FER: variants seen among roughly 807,000 people sequenced by gnomAD.
The protein encoded by FER is tyrosine-protein kinase Fer.
FER carries 63 observed loss-of-function variants against 111.0 expected under a neutral mutation model. The observed-to-expected ratio is 0.57, with a 90% CI of 0.46 to 0.70. The LOEUF is 0.70. FER is among the 30% of genes least tolerant of loss of function. FER has a pLI of 0.00. For synonymous variants in FER, 327 were observed against 313.9 expected (o/e 1.04, Z -0.44); for missense variants, 914 against 954.0 (o/e 0.96, Z 0.55).
intron 10 of FER, among the ~76,000 whole-genome samples, chr5:108,944,465 C>T (rs751523637): frequency 6.6e-6 from 1 of 152,044 alleles, no homozygotes; most frequent in Non-Finnish European, 1.5e-5. Context: ...AGAGTATCAC[C>T]ACCAGCCCTG....
chr5:108,999,586 C>T (rs1764447527), intron 13 of FER, among the ~76,000 whole-genome samples: 2 of 152,030 alleles, frequency 1.3e-5, no homozygotes, highest in Admixed American at 1.3e-4. Flanking sequence ...AAGAAAGGGT[C>T]TGCATGTCGT....
At chr5:109,053,600 T>C (rs1226997505) in intron 16 of FER, among the ~76,000 whole-genome samples, 1 of 151,696 alleles carries the variant, frequency 6.6e-6, no homozygotes, top group Admixed American at 6.6e-5. Flanking sequence ...CAGTAAGCAC[T>C]TTTTTTTCCA....
chr5:108,851,498 C>T (rs981404459), intron 5 of FER, among the ~76,000 whole-genome samples: 41 of 152,180 alleles, frequency 2.7e-4, no homozygotes, highest in African/African-American at 9.4e-4. Flanking sequence ...GTCATCTTCA[C>T]CTATATATAT....
chr5:108,972,320 C>G (rs938283819), intron 13 of FER, among the ~76,000 whole-genome samples: 8 of 152,000 alleles, frequency 5.3e-5, no homozygotes, highest in African/African-American at 1.9e-4. Flanking sequence ...TTGGACTGGT[C>G]TCTTCAACCC....
At chr5:108,912,314 T>A (rs1179840587) in intron 10 of FER, among the ~76,000 whole-genome samples, 1 of 152,200 alleles carries the variant, frequency 6.6e-6, no homozygotes, top group African/African-American at 2.4e-5. Flanking sequence ...CAAATTTCTT[T>A]AAGTGACCTG....
intron 17 of FER, among the ~76,000 whole-genome samples, chr5:109,109,108 G>A (rs1054789991): frequency 1.1e-4 from 16 of 152,048 alleles, no homozygotes; most frequent in East Asian, 1.9e-4. Context: ...CTTCAGCATC[G>A]TGGCTAAGAC....
chr5:108,939,096 A>G (rs1755906511), intron 10 of FER, among the ~76,000 whole-genome samples: 1 of 152,018 alleles, frequency 6.6e-6, no homozygotes, highest in Admixed American at 6.6e-5. Flanking sequence ...CATTTAAACT[A>G]GGGTTTTTCC....
Position 108,955,299 on chromosome 5 carries a change from G to A in FER, c.1533+367G>A, listed in dbSNP as rs1554102051. On this transcript the variant is annotated intron_variant, in intron 12 of 19. Transcript: ENST00000281092. ...TATGAAACTTATACTTTTGAAATTG[G>A]AGCTTGGAATTGTTTTCAGAATGGT... Among the ~76,000 whole-genome samples, 4 of 151,484 alleles carry A rather than the reference G, an allele frequency of 2.6e-5. No homozygotes were observed. In the South Asian group the frequency reaches 8.3e-4, roughly 31 times the overall value.
At chr5:109,129,869 G>A (rs1430422595) in intron 17 of FER, among the ~76,000 whole-genome samples, 1 of 151,944 alleles carries the variant, frequency 6.6e-6, no homozygotes, top group African/African-American at 2.4e-5. Context: ...CCATCATATT[G>A]TTGTTTATAA....
chr5:108,895,378 T>C (rs1376522521), intron 9 of FER, among the ~76,000 whole-genome samples: 2 of 152,216 alleles, frequency 1.3e-5, no homozygotes, highest in African/African-American at 4.8e-5. Context: ...TATTCTCTTA[T>C]AGTTCTGGAG....
intron 5 of FER, among the ~76,000 whole-genome samples, chr5:108,840,839 A>G (rs1322688593): frequency 1.3e-5 from 2 of 152,136 alleles, no homozygotes; most frequent in Non-Finnish European, 2.9e-5. Flanking sequence ...CTCCATTGTG[A>G]AGGTACCTTT....
intron 13 of FER, among the ~76,000 whole-genome samples, chr5:108,983,366 T>A (rs1317905168): frequency 6.6e-6 from 1 of 152,104 alleles, no homozygotes; most frequent in Non-Finnish European, 1.5e-5. Flanking sequence ...TTCTTTTACT[T>A]TACTGTATGC....
chr5:108,849,737 C>T (rs1762369916), intron 5 of FER, among the ~76,000 whole-genome samples: 1 of 152,020 alleles, frequency 6.6e-6, no homozygotes. Flanking sequence ...GATGAGATGC[C>T]ATACATTGTG....
rs143790700 is a variant in FER at position 109,027,736 on chromosome 5, G to A, written c.1657-9686G>A. ...AAGCACAGTTAGTCCCTGCAGCCTG[G>A]GCAGACTGCTGGTTGTCTTCAGCAG... On this transcript the variant is annotated intron_variant, in intron 13 of 19. Coordinates refer to ENST00000281092, the MANE Select transcript of FER (RefSeq NM_005246.4). Among the ~76,000 whole-genome samples, 135 of 152,028 alleles carry A rather than the reference G, an allele frequency of 8.9e-4. 1 individual carries two copies. Among genetic ancestry groups the A allele is most frequent in the African/African-American group, 2.7e-3 (114 of 41,490 alleles).
At chr5:108,767,477 G>A (rs936743322) in intron 1 of FER, among the ~76,000 whole-genome samples, 2 of 152,112 alleles carry the variant, frequency 1.3e-5, no homozygotes, top group African/African-American at 4.8e-5. Flanking sequence ...GGCTTCTTCT[G>A]ATGGCCTTTC....
intron 13 of FER, among the ~76,000 whole-genome samples, chr5:108,971,559 T>G (rs1760666770): frequency 6.6e-6 from 1 of 152,290 alleles, no homozygotes; most frequent in South Asian, 2.1e-4. Context: ...TCTTGGGATT[T>G]TAGATAACAG....
At chr5:108,997,150 G>A (rs1468999870) in intron 13 of FER, among the ~76,000 whole-genome samples, 1 of 151,488 alleles carries the variant, frequency 6.6e-6, no homozygotes, top group African/African-American at 2.4e-5. Context: ...AGCTTAAGGA[G>A]ATTTTGGGCT....
At chr5:108,771,981 G>A (rs1360016038) in intron 2 of FER, among the ~76,000 whole-genome samples, 1 of 152,098 alleles carries the variant, frequency 6.6e-6, no homozygotes, top group Non-Finnish European at 1.5e-5. Context: ...GCATGGTTAG[G>A]GAGTCTAGGA....
At chr5:109,171,552 C>G (rs1174406859) in intron 17 of FER, among the ~76,000 whole-genome samples, 1 of 152,186 alleles carries the variant, frequency 6.6e-6, no homozygotes, top group African/African-American at 2.4e-5. Flanking sequence ...GACGGCTATT[C>G]AGTAAGAAGT....
Sources: gnomAD v4.1 joint callset for allele counts (sites outside exome capture counted in the v4.1 genomes callset) on GRCh38, gnomAD v4.1.1 for gene constraint, MANE v1.5 for transcripts, NCBI Gene and HGNC (gene_info 2026-07-23, HGNC 2026-07-21) for gene names.